The following LIPA variants were observed in gnomAD, a reference collection of about 807,000 sequenced individuals.
LIPA encodes the protein lysosomal acid lipase/cholesteryl ester hydrolase.
Under a neutral mutation model 40.6 loss-of-function variants are expected in LIPA, and 26 were observed. The ratio of observed to expected loss-of-function variants is 0.64; its 90% CI spans 0.47 to 0.89. The LOEUF (loss-of-function observed/expected upper bound fraction) is 0.89, where lower values mean the gene tolerates loss of function less well. LIPA is among the 40% of genes least tolerant of loss of function. LIPA has a pLI of 0.00. For synonymous variants in LIPA, 188 were observed against 168.4 expected (o/e 1.12, Z -0.90); for missense variants, 455 against 479.6 (o/e 0.95, Z 0.48).
chr10:89,263,419 T>C (rs574979666), intron 1 of LIPA, among the ~76,000 whole-genome samples: 1 of 152,352 alleles, frequency 6.6e-6, no homozygotes, highest in Non-Finnish European at 1.5e-5. Flanking sequence ...TCACTTTTAA[T>C]ATGCTTGCAT....
intron 1 of LIPA, among the ~76,000 whole-genome samples, chr10:89,277,481 C>CA (rs1320737303): frequency 9.2e-5 from 14 of 152,270 alleles, no homozygotes; most frequent in Middle Eastern, 3.4e-3. Flanking sequence ...ATACGCAGAA[C>CA]ATTAGAGGCA....
chr10:89,340,098 G>A, intron 1 of LIPA: 1 of 1,608,494 alleles, frequency 6.2e-7, no homozygotes, highest in Non-Finnish European at 8.5e-7. Flanking sequence ...GTCCCAGAGA[G>A]CTCCTCTCTA....
Position 89,392,473 on chromosome 10 carries a change from C to CT in LIPA, c.61+20317_61+20318insA, listed in dbSNP as rs1006615227. ...ATAGAAACAAAGTTTCATTCCCCAC[C>CT]CCCCCCCGTCAGCAGGAATTCCGCT... On this transcript the variant is annotated intron_variant, in intron 2 of 8. Coordinates refer to the LIPA transcript ENST00000371837. 10 of 184,564 alleles carry CT rather than the reference C, an allele frequency of 5.4e-5. 1 individual carries two copies. Among genetic ancestry groups the CT allele is most frequent in the African/African-American group, 5.3e-4 (10 of 18,698 alleles). 11.4% of individuals were successfully genotyped at this position (184,564 alleles called of 1,614,324 possible). A position where few individuals can be genotyped will look rare whatever the true frequency, so the allele number is the denominator to read the frequency against.
intron 1 of LIPA, chr10:89,339,592 T>C (rs1353240844): frequency 6.2e-7 from 1 of 1,614,142 alleles, no homozygotes; most frequent in Non-Finnish European, 8.5e-7. Context: ...ACTAAAGCAA[T>C]ATGCTATGGA....
At chr10:89,225,318 C>CG (rs1199080656) in intron 5 of LIPA, 90 bp from the exon 6 acceptor site, 1 of 1,190,722 alleles carries the variant, frequency 8.4e-7, no homozygotes, top group Admixed American at 2.0e-5. Context: ...GACGCCCTCT[C>CG]GCGGAGGCCT....
At chr10:89,259,810 T>G (rs930504909) in intron 1 of LIPA, among the ~76,000 whole-genome samples, 30 of 152,240 alleles carry the variant, frequency 2.0e-4, no homozygotes, top group Non-Finnish European at 2.6e-4. Context: ...CATTTCATTT[T>G]CATAAAAATA....
chr10:89,237,034 G>T (rs1842913577), intron 3 of LIPA, among the ~76,000 whole-genome samples: 2 of 152,318 alleles, frequency 1.3e-5, no homozygotes, highest in African/African-American at 4.8e-5. Context: ...AGCATTTTGG[G>T]AGGCCAAAGT....
intron 1 of LIPA, among the ~76,000 whole-genome samples, chr10:89,248,442 A>ATTAT (rs1459065726): frequency 7.3e-6 from 1 of 136,416 alleles, no homozygotes; most frequent in Non-Finnish European, 1.6e-5. Flanking sequence ...TTATTATTTT[A>ATTAT]TATTTATTTA....
intron 2 of LIPA, among the ~76,000 whole-genome samples, chr10:89,409,068 T>C (rs1209391002): frequency 6.6e-6 from 1 of 152,234 alleles, no homozygotes; most frequent in East Asian, 1.9e-4. Context: ...CTTGAGCGGC[T>C]ACGGGAGGCC....
At chr10:89,394,527 G>A (rs1458989075) in intron 2 of LIPA, among the ~76,000 whole-genome samples, 1 of 144,842 alleles carries the variant, frequency 6.9e-6, no homozygotes, top group Admixed American at 6.9e-5. Context: ...AAACTCATTT[G>A]CTTTTATGTT....
At chr10:89,324,815 G>A (rs529293153) in intron 1 of LIPA, among the ~76,000 whole-genome samples, 13 of 152,278 alleles carry the variant, frequency 8.5e-5, no homozygotes, top group Non-Finnish European at 1.8e-4. Flanking sequence ...TGCTGAAAAT[G>A]ATGGTTTCCA....
At chr10:89,283,554 T>A (rs1288607017) in intron 1 of LIPA, 2 of 152,178 alleles carry the variant, frequency 1.3e-5, no homozygotes, top group Non-Finnish European at 2.9e-5. Context: ...ACATTGCTAA[T>A]CCTCCTTCTA....
chr10:89,383,195 G>C, intron 2 of LIPA: 1 of 813,518 alleles, frequency 1.2e-6, no homozygotes, highest in South Asian at 1.8e-5. Context: ...AACCCAGAGG[G>C]GCACCAGATA....
intron 3 of LIPA, among the ~76,000 whole-genome samples, chr10:89,229,426 G>A (rs1292209846): frequency 6.6e-6 from 1 of 152,142 alleles, no homozygotes; most frequent in Non-Finnish European, 1.5e-5. Context: ...TCATACATTT[G>A]TCCAAAACTA....
chr10:89,383,757 C>G, intron 2 of LIPA: 1 of 1,614,176 alleles, frequency 6.2e-7, no homozygotes, highest in Non-Finnish European at 8.5e-7. Flanking sequence ...AAGGATGGGC[C>G]TTGGCGAAGT....
chr10:89,324,127 T>G (rs538562793), intron 1 of LIPA, among the ~76,000 whole-genome samples: 1 of 152,130 alleles, frequency 6.6e-6, no homozygotes, highest in African/African-American at 2.4e-5. Context: ...GACTTTGAAC[T>G]ATACTACAAG....
intron 4 of LIPA, among the ~76,000 whole-genome samples, chr10:89,227,321 G>T (rs57350665): frequency 1.3e-5 from 2 of 152,308 alleles, no homozygotes; most frequent in East Asian, 3.9e-4. Context: ...GCATATAATT[G>T]TAAGTTGTTC....
At chr10:89,329,049 G>T (rs997793953) in intron 1 of LIPA, among the ~76,000 whole-genome samples, 7 of 152,236 alleles carry the variant, frequency 4.6e-5, no homozygotes, top group African/African-American at 1.4e-4. Flanking sequence ...ACCTCCTGGA[G>T]TTCTTCAGGG....
intron 2 of LIPA, among the ~76,000 whole-genome samples, chr10:89,367,362 G>A (rs557937464): frequency 1.3e-5 from 2 of 152,250 alleles, no homozygotes; most frequent in Non-Finnish European, 2.9e-5. Context: ...ATTAGAGATT[G>A]TAAAGACAAC....
Sources: gnomAD v4.1 joint callset for allele counts (sites outside exome capture counted in the v4.1 genomes callset) on GRCh38, gnomAD v4.1.1 for gene constraint, MANE v1.5 for transcripts, NCBI Gene and HGNC (gene_info 2026-07-23, HGNC 2026-07-21) for gene names.